The following DPH1 variants were observed in gnomAD, a reference collection of about 807,000 sequenced individuals.
DPH1 encodes the protein 2-(3-amino-3-carboxypropyl)histidine synthase subunit 1.
A neutral mutation model predicts 55.3 loss-of-function variants in DPH1; 59 were observed. That is an observed-to-expected ratio of 1.07 (90% CI 0.87 to 1.33). The LOEUF is 1.33. Ranked by LOEUF, DPH1 falls within the 40% of genes most tolerant of loss-of-function variation. The pLI is 0.00. For synonymous variants in DPH1, 238 were observed against 235.5 expected (o/e 1.01, Z -0.10); for missense variants, 628 against 584.8 (o/e 1.07, Z -0.76).
intron 6 of DPH1, chr17:2,039,387 T>TC: frequency 2.5e-5 from 4 of 162,020 alleles, no homozygotes; most frequent in South Asian, 1.6e-4. Flanking sequence ...TTTTTTTTTT[T>TC]TTCTTTTTGA....
At position 2,042,005 on chromosome 17, in the gene DPH1, G is replaced by T. The variant is rs555244320; in HGVS notation, c.*18+130G>T. 3.3e-6 allele frequency: 5 copies of T among 1,492,878 alleles called. No individual in the cohort carries two copies. The African/African-American group carries it at 5.7e-5, about 17-fold the overall frequency. The allele number at this position is 1,492,878 out of a possible 1,614,324, so 92.5% of individuals were successfully genotyped here. ...CCCGTGCATTGTGCTTCCGCTCGGG[G>T]AAAGACCGCTTCCGGTGCTTCCGTC... On this transcript the variant is annotated intron_variant, in intron 12 of 12. Coordinates refer to ENST00000263083, the MANE Select transcript of DPH1 (RefSeq NM_001383.6).
Position 2,043,016 on chromosome 17 carries a change from C to G in DPH1, c.*430C>G, listed in dbSNP as rs1270509025. On this transcript the variant is annotated 3_prime_UTR_variant, in exon 13 of 13. Coordinates refer to ENST00000263083, the MANE Select transcript of DPH1 (RefSeq NM_001383.6). ...GCCAGCCAATTTCCCGGAGCCATCACCCTCACCCACTCTGGTGGCCACTTC... is the reference window on the plus strand; with the variant it reads ...GCCAGCCAATTTCCCGGAGCCATCAGCCTCACCCACTCTGGTGGCCACTTC... The G allele has an allele frequency of 6.2e-7, 1 of 1,614,114 alleles. No individual in the cohort carries two copies. The highest frequency in any genetic ancestry group is 8.5e-7 in the Non-Finnish European group (1 of 1,180,024).
chr17:2,036,815 T>G lies in DPH1; in HGVS notation c.559-20T>G, dbSNP rs1157981856. 1 of 1,612,568 alleles carries G rather than the reference T, an allele frequency of 6.2e-7. No individual in the cohort carries two copies. Among genetic ancestry groups the G allele is most frequent in the Admixed American group, 1.7e-5 (1 of 59,898 alleles). The stretch of plus-strand genomic sequence containing the variant: ...CTCCTGCCCCAGCCGCTGGCTTCAC[T>G]TCCCTCGTCATTCCTACAGGCAGCC... On this transcript the variant is annotated intron_variant, in intron 5 of 12. Coordinates refer to ENST00000263083, the MANE Select transcript of DPH1 (RefSeq NM_001383.6). The surrounding 1 kb of genome is among the most constrained non-coding windows in gnomAD (Gnocchi z 4.8).
rs1367419545 is a variant in DPH1 at position 2,036,717 on chromosome 17, C to G, written c.558+31C>G. 6.2e-7 allele frequency: 1 copy of G among 1,612,132 alleles called. No individual in the cohort carries two copies. Among genetic ancestry groups the G allele is most frequent in the Admixed American group, 1.7e-5 (1 of 59,968 alleles). On this transcript the variant is annotated intron_variant, in intron 5 of 12. Transcript: ENST00000263083. The surrounding 1 kb of genome is among the most constrained non-coding windows in gnomAD (Gnocchi z 4.8). The stretch of plus-strand genomic sequence containing the variant: ...TGGAACGAGGATCCTCGGCCTCCTG[C>G]AGGGTGGACAGCGGCCACTCTCCAG...
At chr17:2,037,080 C>G in intron 6 of DPH1, 124 bp downstream of exon 6, 42 of 1,398,950 alleles carry the variant, frequency 3.0e-5, no homozygotes, top group Non-Finnish European at 3.9e-5. Context: ...CCCGAGGTCA[C>G]ACTGCAAGGT....
Position 2,042,659 on chromosome 17 carries a change from CCGA to C in DPH1, c.*76_*78del. Reference sequence around the variant, plus strand: ...GGCTGGTGGTTTTCAGAGCAGGAGGCCGACGTTTTCTCCGCATTGGAAGAGCCC... The same window carrying C: ...GGCTGGTGGTTTTCAGAGCAGGAGGCCGTTTTCTCCGCATTGGAAGAGCCC... On this transcript the variant is annotated 3_prime_UTR_variant, in exon 13 of 13. Transcript: ENST00000263083. The C allele has an allele frequency of 1.3e-6, 2 of 1,524,458 alleles. No homozygotes were observed. Among genetic ancestry groups the C allele is most frequent in the African/African-American group, 2.8e-5 (2 of 71,858 alleles). The allele number at this position is 1,524,458 out of a possible 1,614,324, so 94.4% of individuals were successfully genotyped here.
chr17:2,041,642 GGGA>G (rs2067526457), intron 11 of DPH1, 21 bp downstream of exon 11: 3 of 1,598,260 alleles, frequency 1.9e-6, no homozygotes, highest in South Asian at 1.1e-5. Flanking sequence ...GCTTCCAGGA[GGGA>G]GGAGAGACCG....
Position 2,041,586 on chromosome 17 carries a change from C to T in DPH1, c.1192C>T (p.Arg398Cys), listed in dbSNP as rs1483346435. 1.9e-6 allele frequency: 3 copies of T among 1,609,734 alleles called. No individual in the cohort carries two copies. The highest frequency in any genetic ancestry group is 1.3e-5 in the African/African-American group (1 of 74,758). ...PWTVNHGQDRRPHAPGRPARG... is the reference protein window; with the variant it reads ...PWTVNHGQDRCPHAPGRPARG... ...GACGGTGAACCACGGCCAGGACCGCCGTCCCCACGCCCCGGGCCGGCCCGC... is the reference window on the plus strand; with the variant it reads ...GACGGTGAACCACGGCCAGGACCGCTGTCCCCACGCCCCGGGCCGGCCCGC... The change falls in exon 11 of 13, where the codon CGT (arginine) becomes TGT (cysteine). Residue 398 changes from arginine to cysteine, a missense_variant. Physicochemically the swap from Arg to Cys is radical, Grantham distance 180. Transcript: ENST00000263083.
rs762371355 is a variant in DPH1 at position 2,043,097 on chromosome 17, CAG to C, written c.*514_*515del. ...TACCTCAAGTTCTTGGACCAGTTTG[CAG>C]AGTGAAAGATCAAGAAATGTCTCTG... On this transcript the variant is annotated 3_prime_UTR_variant, in exon 13 of 13. Coordinates refer to ENST00000263083, the MANE Select transcript of DPH1 (RefSeq NM_001383.6). The C allele has an allele frequency of 1.2e-6, 2 of 1,613,098 alleles. No individual in the cohort carries two copies. Among genetic ancestry groups the C allele is most frequent in the Non-Finnish European group, 1.7e-6 (2 of 1,179,616 alleles).
intron 9 of DPH1, 121 bp from the exon 10 acceptor site, chr17:2,040,982 C>T: frequency 7.1e-6 from 7 of 983,200 alleles, no homozygotes; most frequent in Non-Finnish European, 9.4e-6. Context: ...ACTGTCTTTA[C>T]TTTAGGATTC....
Position 2,036,655 on chromosome 17 carries a change from T to G in DPH1, c.527T>G (p.Val176Gly). The G allele has an allele frequency of 6.2e-7, 1 of 1,614,098 alleles. No homozygotes were observed. The highest frequency in any genetic ancestry group is 2.2e-5 in the East Asian group (1 of 44,888). The change falls in exon 5 of 13, where the codon GTC (valine) becomes GGC (glycine). Residue 176 changes from valine (V) to glycine (G), a missense_variant. By Grantham distance (109) the Val-to-Gly change is moderately radical. Transcript: ENST00000263083. The surrounding 1 kb of genome is among the most constrained non-coding windows in gnomAD (Gnocchi z 4.8). ...CCCCCAGCCACTGCCCTTGCCCTGG[T>G]CAGCACCATTCAGTTTGTGTCGACC... ...TFPPATALALVSTIQFVSTLQ... is the reference protein window; with the variant it reads ...TFPPATALALGSTIQFVSTLQ...
chr17:2,033,590 G>A lies in DPH1; in HGVS notation c.147G>A (p.Leu49=). 6.2e-7 allele frequency: 1 copy of A among 1,614,224 alleles called. No individual in the cohort carries two copies. The highest frequency in any genetic ancestry group is 8.5e-7 in the Non-Finnish European group (1 of 1,180,046). ...AGCTGCAGGCAGCAATCCGGGTCCT[G>A]CCTTCCAACTACAACTTTGAGATCC... The part of the protein sequence containing the change: ...NPQLQAAIRV[L]PSNYNFEIPK... Residue 49 remains leucine, a synonymous_variant, in exon 2 of 13, where the codon CTG becomes CTA. Transcript: ENST00000263083.
Position 2,036,583 on chromosome 17 carries a change from TC to T in DPH1, c.457del (p.Arg153GlyfsTer2), listed in dbSNP as rs2151347730. 1 of 1,614,102 alleles carries T rather than the reference TC, an allele frequency of 6.2e-7. No homozygotes were observed. Among genetic ancestry groups the T allele is most frequent in the Non-Finnish European group, 8.5e-7 (1 of 1,180,012 alleles). ...DFRVLYVFVD[I>X]RIDTTHLLDS... ...CGGGTGCTGTACGTCTTTGTGGACA[TC>T]CGGATAGACACTACACACCTCCTGG... On this transcript the variant is annotated frameshift_variant, in exon 5 of 13. Transcript: ENST00000263083. LOFTEE classifies it high-confidence loss of function. The surrounding 1 kb of genome is among the most constrained non-coding windows in gnomAD (Gnocchi z 4.8).
At chr17:2,040,182 T>G in intron 7 of DPH1, 36 bp from the exon 8 acceptor site, 1 of 1,610,730 alleles carries the variant, frequency 6.2e-7, no homozygotes, top group South Asian at 1.1e-5. Flanking sequence ...GTCCTGACAG[T>G]GGCTGCCACA....
At position 2,042,802 on chromosome 17, in the gene DPH1, G is replaced by T; in HGVS notation, c.*216G>T. The T allele has an allele frequency of 2.5e-6, 4 of 1,614,018 alleles. No homozygotes were observed. Among genetic ancestry groups the T allele is most frequent in the Non-Finnish European group, 8.5e-7 (1 of 1,180,022 alleles). Reference sequence around the variant, plus strand: ...CCAAGGGGCTGCGCTAGCAGCCCTTGTGTGTGCCCTGGGCCAGGCAGGCGA... The same window carrying T: ...CCAAGGGGCTGCGCTAGCAGCCCTTTTGTGTGCCCTGGGCCAGGCAGGCGA... On this transcript the variant is annotated 3_prime_UTR_variant, in exon 13 of 13. Coordinates refer to ENST00000263083, the MANE Select transcript of DPH1 (RefSeq NM_001383.6).
At chr17:2,041,279 C>T (rs543086314) in intron 10 of DPH1, 98 bp downstream of exon 10, 37 of 1,489,286 alleles carry the variant, frequency 2.5e-5, no homozygotes, top group Non-Finnish European at 3.0e-5. Context: ...TCGTTATGTT[C>T]GTAGATTCCG....
intron 12 of DPH1, 123 bp from the exon 13 acceptor site, chr17:2,042,482 C>G (rs770616501): frequency 4.3e-5 from 60 of 1,398,292 alleles, no homozygotes; most frequent in Non-Finnish European, 5.2e-5. Flanking sequence ...TCATTTCCCC[C>G]AGACTTTTGC....
At position 2,042,655 on chromosome 17, in the gene DPH1, G is replaced by A. The variant is rs1350229810; in HGVS notation, c.*69G>A. ...TCGAGGCTGGTGGTTTTCAGAGCAG[G>A]AGGCCGACGTTTTCTCCGCATTGGA... On this transcript the variant is annotated 3_prime_UTR_variant, in exon 13 of 13. Coordinates refer to ENST00000263083, the MANE Select transcript of DPH1 (RefSeq NM_001383.6). 5 of 1,524,336 alleles carry A rather than the reference G, an allele frequency of 3.3e-6. No homozygotes were observed. In the African/African-American group the frequency reaches 7.0e-5, roughly 21 times the overall value. The allele number at this position is 1,524,336 out of a possible 1,614,324, so 94.4% of individuals were successfully genotyped here.
chr17:2,033,538 TC>T lies in DPH1; in HGVS notation c.101del (p.Pro34LeufsTer4). The T allele has an allele frequency of 1.2e-6, 2 of 1,614,098 alleles. No homozygotes were observed. The highest frequency in any genetic ancestry group is 2.2e-5 in the East Asian group (1 of 44,878). Reference protein sequence around the residue: ...RAPRGRVANQIPPEILKNPQL... With the variant: ...RAPRGRVANQXPPEILKNPQL... ...CCTCGGGGCCGCGTGGCCAATCAGA[TC>T]CCCCCTGAGATCCTGAAGAACCCTC... On this transcript the variant is annotated frameshift_variant, in exon 2 of 13. Transcript: ENST00000263083. LOFTEE classifies it high-confidence loss of function.
Sources: gnomAD v4.1 joint callset for allele counts on GRCh38, gnomAD v4.1.1 for gene constraint, Gnocchi (gnomAD v3.1) non-coding constraint, MANE v1.5 for transcripts, NCBI Gene and HGNC (gene_info 2026-07-23, HGNC 2026-07-21) for gene names.